Variants in PGCKA1 observed in about 807,000 individuals in gnomAD.
The protein encoded by PGCKA1 is PDCD10 and GCKIII kinases-associated protein 1.
the PGCKA1 span, among the ~76,000 whole-genome samples, chr4:37,549,380 T>C: frequency 2.0e-5 from 3 of 152,050 alleles, no homozygotes; most frequent in Non-Finnish European, 2.9e-5. Flanking sequence ...TAACCCAGAC[T>C]GTAGGGCCCT....
the PGCKA1 span, among the ~76,000 whole-genome samples, chr4:37,505,614 G>A: frequency 6.4e-3 from 979 of 152,282 alleles, 12 homozygotes; most frequent in African/African-American, 0.022. Flanking sequence ...TACATGGATG[G>A]TGGGAGGCAA....
the PGCKA1 span, chr4:37,590,353 G>A: frequency 9.3e-6 from 15 of 1,613,558 alleles, no homozygotes; most frequent in African/African-American, 6.7e-5. Flanking sequence ...CGGTGTCAAC[G>A]GCATCGGCCC....
At chr4:37,464,403 T>C in the PGCKA1 span, among the ~76,000 whole-genome samples, 1 of 152,194 alleles carries the variant, frequency 6.6e-6, no homozygotes, top group Non-Finnish European at 1.5e-5. Flanking sequence ...TAACTACTCC[T>C]GGATTTCAGT....
At chr4:37,537,714 G>A in the PGCKA1 span, among the ~76,000 whole-genome samples, 2 of 152,180 alleles carry the variant, frequency 1.3e-5, no homozygotes, top group Non-Finnish European at 2.9e-5. Context: ...GCCTAGCTCT[G>A]CAGTGATAGG....
the PGCKA1 span, among the ~76,000 whole-genome samples, chr4:37,458,640 G>C: frequency 7.7e-4 from 117 of 152,234 alleles, no homozygotes; most frequent in African/African-American, 2.3e-3. Context: ...GCTCAACTTG[G>C]TTGCAAGAGA....
the PGCKA1 span, among the ~76,000 whole-genome samples, chr4:37,562,594 C>T: frequency 6.6e-6 from 1 of 152,184 alleles, no homozygotes. Context: ...ACATAGTTCT[C>T]CTGGAATGTG....
chr4:37,502,538 G>A, the PGCKA1 span, among the ~76,000 whole-genome samples: 4 of 152,140 alleles, frequency 2.6e-5, no homozygotes, highest in African/African-American at 9.7e-5. Flanking sequence ...CAGGCCCTGT[G>A]CTCACCAAGG....
the PGCKA1 span, among the ~76,000 whole-genome samples, chr4:37,530,002 A>G: frequency 3.0e-4 from 45 of 152,332 alleles, no homozygotes; most frequent in East Asian, 8.5e-3. Context: ...CTTTAAAAAA[A>G]GAAGTGGGGT....
At chr4:37,571,357 T>TTTTTTCC in the PGCKA1 span, among the ~76,000 whole-genome samples, 15 of 21,978 alleles carry the variant, frequency 6.8e-4, 1 homozygote, top group African/African-American at 2.7e-3. Context: ...CTATTATCCT[T>TTTTTTCC]TTTTTTTTTT....
chr4:37,531,124 A>T, the PGCKA1 span, among the ~76,000 whole-genome samples: 1 of 152,238 alleles, frequency 6.6e-6, no homozygotes, highest in Non-Finnish European at 1.5e-5. Context: ...TGAATTATTG[A>T]CATCTACTTT....
chr4:37,543,835 A>T, the PGCKA1 span, among the ~76,000 whole-genome samples: 1 of 147,882 alleles, frequency 6.8e-6, no homozygotes, highest in Admixed American at 6.7e-5. Context: ...CTCCGTCTCA[A>T]AAAAAAAAAA....
the PGCKA1 span, among the ~76,000 whole-genome samples, chr4:37,484,595 C>T: frequency 6.6e-6 from 1 of 152,202 alleles, no homozygotes; most frequent in Non-Finnish European, 1.5e-5. Context: ...CTGAGGCCCT[C>T]CCCAGAAGCA....
At chr4:37,493,514 A>T in the PGCKA1 span, among the ~76,000 whole-genome samples, 17,717 of 152,120 alleles carry the variant, frequency 0.12, 1,304 homozygotes, top group South Asian at 0.27. Flanking sequence ...TTTCCCTGCC[A>T]CTCCACTGAG....
chr4:37,590,789 A>T, the PGCKA1 span: 4 of 1,613,962 alleles, frequency 2.5e-6, no homozygotes, highest in African/African-American at 4.0e-5. Context: ...TTGAATGAGG[A>T]TGTGGAAACA....
chr4:37,507,372 G>A, the PGCKA1 span, among the ~76,000 whole-genome samples: 1 of 151,552 alleles, frequency 6.6e-6, no homozygotes, highest in African/African-American at 2.4e-5. Flanking sequence ...CTTCCTTCCT[G>A]TCTTCCATTT....
chr4:37,495,234 C>T, the PGCKA1 span, among the ~76,000 whole-genome samples: 1 of 152,132 alleles, frequency 6.6e-6, no homozygotes, highest in Non-Finnish European at 1.5e-5. Flanking sequence ...CAGGAAATAA[C>T]AGAAGCTGGA....
chr4:37,563,174 CT>C, the PGCKA1 span, among the ~76,000 whole-genome samples: 68,941 of 151,826 alleles, frequency 0.45, 16,490 homozygotes, highest in South Asian at 0.54. Context: ...TTCTAAGATT[CT>C]TTCAAATCAG....
At chr4:37,534,173 A>T in the PGCKA1 span, among the ~76,000 whole-genome samples, 1 of 152,210 alleles carries the variant, frequency 6.6e-6, no homozygotes, top group East Asian at 1.9e-4. Flanking sequence ...AGAAAGATAC[A>T]ATTTAAATCC....
At chr4:37,583,429 GT>G in the PGCKA1 span, among the ~76,000 whole-genome samples, 1 of 137,638 alleles carries the variant, frequency 7.3e-6, no homozygotes, top group African/African-American at 3.0e-5. Flanking sequence ...TTGTTTGTTT[GT>G]TTTTGTTTTT....
Sources: allele counts gnomAD v4.1 joint callset (sites outside exome capture counted in the v4.1 genomes callset), GRCh38; gene constraint gnomAD v4.1.1; transcripts MANE v1.5; gene names NCBI Gene and HGNC (gene_info 2026-07-23, HGNC 2026-07-21).